MRPL48: variants seen among roughly 807,000 people sequenced by gnomAD.
The protein encoded by MRPL48 is mitochondrial ribosomal protein L48.
In MRPL48, 16 loss-of-function variants were observed where a neutral mutation model predicts 32.9. The observed-to-expected ratio is 0.49, with a 90% CI of 0.33 to 0.74. The LOEUF is 0.74. MRPL48 is among the 30% of genes least tolerant of loss of function. MRPL48 has a pLI of 0.02. For missense variants in MRPL48, 206 were observed against 245.3 expected (o/e 0.84, Z 1.07); for synonymous variants, 94 against 89.2 (o/e 1.05, Z -0.31).
At chr11:73,834,329 A>G (rs1948049657) in intron 4 of MRPL48, among the ~76,000 whole-genome samples, 1 of 152,212 alleles carries the variant, frequency 6.6e-6, no homozygotes. Context: ...ACATAAAAGT[A>G]TAAGTAGATA....
chr11:73,787,981 AC>A lies in MRPL48; in HGVS notation c.12del (p.Leu5TrpfsTer7), dbSNP rs1168488910. The A allele has an allele frequency of 1.2e-6, 2 of 1,603,094 alleles. No homozygotes were observed. Among genetic ancestry groups the A allele is most frequent in the Non-Finnish European group, 1.7e-6 (2 of 1,175,294 alleles). ...CGCGCAGCAGCAAAGGATGAGCGGA[AC>A]CTTGGAAAAGGTAACGTAGATTCCA... MSG[T>X]LEKVLCLRNN... On this transcript the variant is annotated frameshift_variant, in exon 1 of 8. Coordinates refer to ENST00000310614, the MANE Select transcript of MRPL48 (RefSeq NM_016055.6). LOFTEE classifies it high-confidence loss of function.
At chr11:73,795,802 G>T (rs7929705) in intron 1 of MRPL48, among the ~76,000 whole-genome samples, 6 of 151,806 alleles carry the variant, frequency 4.0e-5, no homozygotes, top group Non-Finnish European at 8.8e-5. Context: ...CACTGCACCC[G>T]GCTTATTCAC....
At chr11:73,796,129 G>A (rs924201516) in intron 1 of MRPL48, among the ~76,000 whole-genome samples, 2 of 152,240 alleles carry the variant, frequency 1.3e-5, no homozygotes, top group Non-Finnish European at 1.5e-5. Flanking sequence ...TGCCCCTTCC[G>A]AGTTGGGGCG....
chr11:73,824,964 G>C (rs1947856765), intron 3 of MRPL48, among the ~76,000 whole-genome samples: 1 of 152,118 alleles, frequency 6.6e-6, no homozygotes, highest in Non-Finnish European at 1.5e-5. Context: ...CAAGAGGTCA[G>C]CTACCACCAA....
chr11:73,846,365 C>T (rs367900715), intron 5 of MRPL48, among the ~76,000 whole-genome samples: 11 of 152,074 alleles, frequency 7.2e-5, no homozygotes, highest in African/African-American at 2.6e-4. Flanking sequence ...GTCACCCATG[C>T]TGGAGTGCAG....
chr11:73,793,999 G>A (rs567381723), intron 1 of MRPL48, among the ~76,000 whole-genome samples: 12 of 148,472 alleles, frequency 8.1e-5, no homozygotes, highest in Non-Finnish European at 1.5e-4. Context: ...GAGCCACCAC[G>A]CCCGGCCTGA....
At chr11:73,837,023 G>A (rs1948115380) in intron 4 of MRPL48, among the ~76,000 whole-genome samples, 1 of 152,180 alleles carries the variant, frequency 6.6e-6, no homozygotes, top group African/African-American at 2.4e-5. Flanking sequence ...CTCAATCGCT[G>A]CATACCTCAC....
intron 3 of MRPL48, among the ~76,000 whole-genome samples, chr11:73,817,275 G>A (rs1477254024): frequency 6.6e-6 from 1 of 152,072 alleles, no homozygotes. Context: ...AATTTAAGTT[G>A]TTACCAAGAT....
At chr11:73,840,297 AGCCT>A (rs1489289051) in intron 4 of MRPL48, among the ~76,000 whole-genome samples, 5 of 152,270 alleles carry the variant, frequency 3.3e-5, no homozygotes, top group East Asian at 1.9e-4. Flanking sequence ...GTTTGAGACC[AGCCT>A]GTGCAACGTG....
At chr11:73,849,432 C>G (rs576259543) in intron 5 of MRPL48, among the ~76,000 whole-genome samples, 1 of 152,328 alleles carries the variant, frequency 6.6e-6, no homozygotes, top group East Asian at 1.9e-4. Context: ...CCACTGCGCC[C>G]CGTGGCAACT....
intron 5 of MRPL48, among the ~76,000 whole-genome samples, chr11:73,857,333 T>C (rs1948500113): frequency 6.6e-6 from 1 of 152,044 alleles, no homozygotes; most frequent in South Asian, 2.1e-4. Context: ...GTTTTCACCA[T>C]GTTAGCCAGG....
chr11:73,796,504 C>T (rs750160757), intron 1 of MRPL48, among the ~76,000 whole-genome samples: 6 of 152,244 alleles, frequency 3.9e-5, no homozygotes, highest in East Asian at 3.8e-4. Flanking sequence ...GAAGCCAAAG[C>T]GGGGCTGAAG....
At chr11:73,823,073 G>A (rs1445118914) in intron 3 of MRPL48, 1 of 436,828 alleles carries the variant, frequency 2.3e-6, no homozygotes, top group East Asian at 7.2e-5. Context: ...ACATTATGGT[G>A]AGTTGTACAA....
chr11:73,796,906 A>G (rs1201799628), intron 1 of MRPL48, among the ~76,000 whole-genome samples: 1 of 152,070 alleles, frequency 6.6e-6, no homozygotes, highest in Non-Finnish European at 1.5e-5. Flanking sequence ...CTGTACTAAA[A>G]ATACAAAAAA....
chr11:73,843,220 A>ATTTTT (rs1948223739), intron 4 of MRPL48: 1 of 135,480 alleles, frequency 7.4e-6, no homozygotes, highest in African/African-American at 2.7e-5. Flanking sequence ...CTTTGTTTTA[A>ATTTTT]CTTTTTTTTT....
intron 5 of MRPL48, among the ~76,000 whole-genome samples, chr11:73,851,805 C>T (rs1421370215): frequency 1.3e-5 from 2 of 150,332 alleles, no homozygotes; most frequent in African/African-American, 2.5e-5. Context: ...AATGAAAGTC[C>T]TTTTAATGAA....
rs1478189126 is a variant in MRPL48 at position 73,843,595 on chromosome 11, G to A, written c.202-1212G>A. Among the ~76,000 whole-genome samples the A allele has an allele frequency of 2.0e-5, 3 of 152,134 alleles. No homozygotes were observed. The East Asian group carries it at 5.8e-4, about 29-fold the overall frequency. ...AAGCAATATTTTGTATGACAGAAAA[G>A]GAAGAAATCAAATAATTATTCTACC... is the stretch of plus-strand genomic sequence containing the variant. On this transcript the variant is annotated intron_variant, in intron 4 of 7. Transcript: ENST00000310614.
chr11:73,815,124 C>T (rs1000466728), intron 3 of MRPL48, among the ~76,000 whole-genome samples: 2 of 152,042 alleles, frequency 1.3e-5, no homozygotes, highest in African/African-American at 2.4e-5. Flanking sequence ...ATTAAAATAT[C>T]CATGTTTTTG....
intron 3 of MRPL48, among the ~76,000 whole-genome samples, chr11:73,820,547 T>C (rs1382093619): frequency 6.6e-6 from 1 of 152,182 alleles, no homozygotes; most frequent in Non-Finnish European, 1.5e-5. Context: ...AGGTGCATTC[T>C]GTCCCTCTCA....
Sources: gnomAD v4.1 joint callset for allele counts (sites outside exome capture counted in the v4.1 genomes callset) on GRCh38, gnomAD v4.1.1 for gene constraint, MANE v1.5 for transcripts, NCBI Gene and HGNC (gene_info 2026-07-23, HGNC 2026-07-21) for gene names.